The following CCDC171 variants were observed in gnomAD, a reference collection of about 807,000 sequenced individuals.
CCDC171 encodes coiled-coil domain-containing protein 171.
In CCDC171, 177 loss-of-function variants were observed where a neutral mutation model predicts 168.2. That is an observed-to-expected ratio of 1.05 (90% CI 0.93 to 1.19). The LOEUF (loss-of-function observed/expected upper bound fraction) is 1.19. Ranked by LOEUF, CCDC171 falls within the 50% of genes most tolerant of loss-of-function variation. CCDC171 has a pLI of 0.00. For synonymous variants in CCDC171, 687 were observed against 540.8 expected, an observed-to-expected ratio of 1.27 and a Z score of -3.75; for missense variants, 1,991 against 1,539.0, an observed-to-expected ratio of 1.29 and a Z score of -4.91.
At chr9:15,762,823 T>C (rs1034721436) in intron 18 of CCDC171, among the ~76,000 whole-genome samples, 17 of 152,216 alleles carry the variant, frequency 1.1e-4, no homozygotes, top group Admixed American at 4.6e-4. Flanking sequence ...AGGCAACCAC[T>C]GGTGTCTTCT....
At chr9:15,933,157 G>A (rs769667424) in intron 25 of CCDC171, among the ~76,000 whole-genome samples, 1 of 151,886 alleles carries the variant, frequency 6.6e-6, no homozygotes, top group Non-Finnish European at 1.5e-5. Flanking sequence ...AATAGTTTGA[G>A]TAGAATTTTT....
At chr9:15,914,793 A>G (rs796874714) in intron 24 of CCDC171, among the ~76,000 whole-genome samples, 6 of 152,214 alleles carry the variant, frequency 3.9e-5, no homozygotes, top group African/African-American at 1.4e-4. Flanking sequence ...ACCCAAGGGA[A>G]TCTCCTGGTC....
chr9:15,936,322 T>A (rs552677740), intron 25 of CCDC171, among the ~76,000 whole-genome samples: 1 of 152,122 alleles, frequency 6.6e-6, no homozygotes, highest in South Asian at 2.1e-4. Context: ...AGTCAAAAAT[T>A]TTTTCCTGAA....
chr9:15,878,138 A>G (rs1327864172), intron 24 of CCDC171, among the ~76,000 whole-genome samples: 3 of 152,208 alleles, frequency 2.0e-5, no homozygotes, highest in Non-Finnish European at 4.4e-5. Flanking sequence ...ATGGGATCAA[A>G]TTAAATTTAA....
chr9:16,026,132 A>G (rs1833270800), intron 6 of CCDC171, among the ~76,000 whole-genome samples: 1 of 152,112 alleles, frequency 6.6e-6, no homozygotes, highest in Non-Finnish European at 1.5e-5. Context: ...CCTGGGTCAG[A>G]GGAGTGGGTG....
intron 24 of CCDC171, among the ~76,000 whole-genome samples, chr9:15,897,676 T>C (rs1025768992): frequency 6.6e-6 from 1 of 152,194 alleles, no homozygotes; most frequent in Admixed American, 6.6e-5. Context: ...TGTATCTTTT[T>C]CAGTTAATAA....
chr9:15,821,053 A>G (rs2059751801), intron 21 of CCDC171, among the ~76,000 whole-genome samples: 1 of 117,662 alleles, frequency 8.5e-6, no homozygotes, highest in East Asian at 2.1e-4. Context: ...AATAAACATA[A>G]TCCAGCATAT....
intron 23 of CCDC171, among the ~76,000 whole-genome samples, chr9:15,873,525 CAAAT>C (rs1402839226): frequency 1.3e-5 from 2 of 151,778 alleles, no homozygotes; most frequent in Admixed American, 6.6e-5. Flanking sequence ...TATATGGTAA[CAAAT>C]AGATAAAATT....
chr9:16,063,383 G>A (rs79561897), downstream of CCDC171, among the ~76,000 whole-genome samples: 926 of 152,258 alleles, frequency 6.1e-3, 11 homozygotes, highest in African/African-American at 0.021. Context: ...TGAGAAGCAG[G>A]AGGTGATCTG....
At chr9:15,932,682 T>C (rs1263182756) in intron 25 of CCDC171, among the ~76,000 whole-genome samples, 1 of 151,940 alleles carries the variant, frequency 6.6e-6, no homozygotes, top group Non-Finnish European at 1.5e-5. Context: ...GTCCTTGTTT[T>C]CTTCCTGATT....
At position 15,862,367 on chromosome 9, in the gene CCDC171, G is replaced by T. The variant is rs567889568; in HGVS notation, c.3469-12165G>T. Among the ~76,000 whole-genome samples, 18 of 150,398 alleles carry T rather than the reference G, an allele frequency of 1.2e-4. 1 individual carries two copies. In the East Asian group the frequency reaches 3.1e-3, roughly 26 times the overall value. On this transcript the variant is annotated intron_variant, in intron 23 of 25. Coordinates refer to ENST00000380701, the MANE Select transcript of CCDC171 (RefSeq NM_173550.4). ...CTGTTGAACCTCTCTTGAATTTTTA[G>T]TTGAGTTATTATATTCTTCTGCCCT... is the stretch of plus-strand genomic sequence containing the variant.
At chr9:15,857,287 C>T (rs1002237066) in intron 23 of CCDC171, among the ~76,000 whole-genome samples, 1 of 151,826 alleles carries the variant, frequency 6.6e-6, no homozygotes. Context: ...GTGTCATATC[C>T]ATGAAATCGT....
At chr9:15,804,182 A>C (rs1158535455) in intron 21 of CCDC171, among the ~76,000 whole-genome samples, 1 of 152,164 alleles carries the variant, frequency 6.6e-6, no homozygotes, top group Non-Finnish European at 1.5e-5. Flanking sequence ...GCAAACAAAG[A>C]TAGTTTGACT....
chr9:15,913,609 G>A (rs1824042870), intron 24 of CCDC171, among the ~76,000 whole-genome samples: 2 of 152,050 alleles, frequency 1.3e-5, no homozygotes, highest in South Asian at 2.1e-4. Context: ...GCTCAGAGGA[G>A]TTTGTTATTA....
intron 7 of CCDC171, among the ~76,000 whole-genome samples, chr9:15,651,934 G>A (rs2047559029): frequency 6.6e-6 from 1 of 152,028 alleles, no homozygotes; most frequent in African/African-American, 2.4e-5. Context: ...TTGAGACAGG[G>A]TCTTGCTGTA....
the CCDC171 span, among the ~76,000 whole-genome samples, chr9:16,089,561 G>T: frequency 6.6e-6 from 1 of 151,638 alleles, no homozygotes; most frequent in Non-Finnish European, 1.5e-5. Flanking sequence ...TTTATAAGGT[G>T]TAAAGAAGGG....
chr9:15,630,306 G>T (rs1213803765), intron 7 of CCDC171, among the ~76,000 whole-genome samples: 1 of 152,066 alleles, frequency 6.6e-6, no homozygotes, highest in Non-Finnish European at 1.5e-5. Context: ...ACACACATAG[G>T]CTCAAAATAA....
intron 24 of CCDC171, among the ~76,000 whole-genome samples, chr9:15,916,327 A>G (rs1323600006): frequency 2.0e-5 from 3 of 151,962 alleles, no homozygotes; most frequent in Non-Finnish European, 4.4e-5. Flanking sequence ...GTTATAAGGT[A>G]TGAATTTTTA....
intron 21 of CCDC171, among the ~76,000 whole-genome samples, chr9:15,822,666 A>G (rs1475134241): frequency 1.3e-5 from 2 of 152,242 alleles, no homozygotes; most frequent in African/African-American, 2.4e-5. Flanking sequence ...AATGGCGATC[A>G]TTAAAAAGTC....
Sources: allele counts gnomAD v4.1 joint callset (sites outside exome capture counted in the v4.1 genomes callset), GRCh38; gene constraint gnomAD v4.1.1; transcripts MANE v1.5; gene names NCBI Gene and HGNC (gene_info 2026-07-23, HGNC 2026-07-21).